Variants in GOLM2 observed in about 807,000 individuals in gnomAD.
GOLM2 encodes the protein golgi membrane protein 2.
Under a neutral mutation model 55.9 loss-of-function variants are expected in GOLM2, and 26 were observed. The observed-to-expected ratio is 0.47, with a 90% confidence interval of 0.34 to 0.65. The LOEUF is 0.65. GOLM2 is among the 30% of genes least tolerant of loss of function. The pLI is 0.01. For missense variants in GOLM2, 486 were observed against 531.8 expected (o/e 0.91, Z 0.85); for synonymous variants, 165 against 194.6 (o/e 0.85, Z 1.27).
At chr15:44,386,316 T>C (rs2079443503) in intron 8 of GOLM2, among the ~76,000 whole-genome samples, 1 of 152,246 alleles carries the variant, frequency 6.6e-6, no homozygotes, top group Non-Finnish European at 1.5e-5. Flanking sequence ...ACAATCTTGG[T>C]ATCCTTGTCA....
chr15:44,306,929 G>A lies in GOLM2; in HGVS notation c.328-16036G>A, dbSNP rs147786021. 8.4e-3 allele frequency among the ~76,000 whole-genome samples: 1,276 copies of A among 152,072 alleles called. 9 individuals carry two copies. Among genetic ancestry groups the A allele is most frequent in the Non-Finnish European group, 0.013 (913 of 68,006 alleles). On this transcript the variant is annotated intron_variant, in intron 1 of 9. Transcript: ENST00000299957. ...ACTGTCCTCTATGAGTGCAGTTTGT[G>A]GTGCCCCCAATTATAATAATATTGA... is the stretch of plus-strand genomic sequence containing the variant.
intron 6 of GOLM2, among the ~76,000 whole-genome samples, chr15:44,353,580 G>A (rs966201340): frequency 1.3e-5 from 2 of 152,150 alleles, no homozygotes; most frequent in African/African-American, 4.8e-5. Context: ...TATACACATT[G>A]GAGTACTATT....
chr15:44,384,408 C>T (rs528299471), intron 8 of GOLM2, among the ~76,000 whole-genome samples: 26 of 152,036 alleles, frequency 1.7e-4, no homozygotes, highest in Admixed American at 1.3e-3. Context: ...GTCAGGAGAT[C>T]GAGACCATCC....
At chr15:44,306,020 A>G (rs986874822) in intron 1 of GOLM2, among the ~76,000 whole-genome samples, 1 of 152,206 alleles carries the variant, frequency 6.6e-6, no homozygotes, top group African/African-American at 2.4e-5. Flanking sequence ...CTAGGATTTT[A>G]GGAATGGTAA....
At chr15:44,374,665 C>T (rs1424770333) in intron 6 of GOLM2, among the ~76,000 whole-genome samples, 1 of 152,024 alleles carries the variant, frequency 6.6e-6, no homozygotes, top group Non-Finnish European at 1.5e-5. Context: ...TTCACATGGC[C>T]GGAGAAGGAG....
chr15:44,321,861 G>T (rs1487839714), intron 1 of GOLM2, among the ~76,000 whole-genome samples: 1 of 151,850 alleles, frequency 6.6e-6, no homozygotes, highest in African/African-American at 2.4e-5. Context: ...AGACCAGCCT[G>T]GGCAACATAG....
At chr15:44,359,125 G>C (rs1432944680) in intron 6 of GOLM2, among the ~76,000 whole-genome samples, 1 of 151,808 alleles carries the variant, frequency 6.6e-6, no homozygotes, top group Non-Finnish European at 1.5e-5. Context: ...ACTCCAGCCT[G>C]GGTGACAGAG....
intron 3 of GOLM2, among the ~76,000 whole-genome samples, chr15:44,330,231 A>G (rs1398068611): frequency 6.9e-6 from 1 of 145,654 alleles, no homozygotes; most frequent in Admixed American, 6.8e-5. Flanking sequence ...AAAAAAAAAA[A>G]GCTGAGTGCA....
rs538138516 is a variant in GOLM2, at chr15:44,305,933, C to T, written c.327+16577C>T. Among the ~76,000 whole-genome samples the T allele has an allele frequency of 1.7e-4, 26 of 152,292 alleles. No individual in the cohort carries two copies. In the South Asian group the frequency reaches 5.4e-3, roughly 32 times the overall value. ...AATATTCAGTAAACCATGCTGTAAA[C>T]AGATGTGCTATCATACAGGCTTTGT... On this transcript the variant is annotated intron_variant, in intron 1 of 9. Coordinates refer to ENST00000299957, the MANE Select transcript of GOLM2 (RefSeq NM_138423.4).
chr15:44,306,618 C>T (rs2078838980), intron 1 of GOLM2, among the ~76,000 whole-genome samples: 1 of 152,178 alleles, frequency 6.6e-6, no homozygotes. Context: ...AGCTTTTGGC[C>T]TGTCTATGTT....
rs180827367 is a variant in GOLM2 at position 44,355,851 on chromosome 15, G to C, written c.802+17534G>C. 8.3e-4 allele frequency among the ~76,000 whole-genome samples: 127 copies of C among 152,168 alleles called. No homozygotes were observed. In the South Asian group the frequency reaches 0.013, roughly 15 times the overall value. On this transcript the variant is annotated intron_variant, in intron 6 of 9. Transcript: ENST00000299957. ...TCCCCTGAAGAATGGGAGGGGTCTA[G>C]AGAGCCCCCACCTTGTCATGTACCG... is the stretch of plus-strand genomic sequence containing the variant.
In GOLM2 at chr15:44,338,233, G is replaced by C. The variant is rs1459226587; in HGVS notation, c.722-4G>C. The C allele has an allele frequency of 6.2e-7, 1 of 1,611,324 alleles. No homozygotes were observed. The highest frequency in any genetic ancestry group is 8.5e-7 in the Non-Finnish European group (1 of 1,178,448). The stretch of plus-strand genomic sequence containing the variant: ...AGAATTCTATCTTTTTGTTACTTGG[G>C]CAGAACAAATCAAAAGAGGTGGTGA... On this transcript the variant is annotated splice_polypyrimidine_tract_variant and splice_region_variant and intron_variant, in intron 5 of 9. Coordinates refer to ENST00000299957, the MANE Select transcript of GOLM2 (RefSeq NM_138423.4).
chr15:44,404,655 T>G (rs2079586281), intron 9 of GOLM2, among the ~76,000 whole-genome samples: 1 of 152,184 alleles, frequency 6.6e-6, no homozygotes, highest in Admixed American at 6.6e-5. Flanking sequence ...ATGTATATCA[T>G]ATCACCAATT....
chr15:44,294,251 C>G (rs1024595361), intron 1 of GOLM2, among the ~76,000 whole-genome samples: 1 of 152,150 alleles, frequency 6.6e-6, no homozygotes, highest in African/African-American at 2.4e-5. Context: ...TCCAAGGAAC[C>G]TTGGTTCCTT....
intron 8 of GOLM2, among the ~76,000 whole-genome samples, chr15:44,382,947 C>T (rs576812453): frequency 9.3e-5 from 14 of 150,076 alleles, no homozygotes; most frequent in South Asian, 6.3e-4. Context: ...AAGAAAAGAG[C>T]CTATTGAGTT....
At chr15:44,369,487 A>G (rs191231350) in intron 6 of GOLM2, among the ~76,000 whole-genome samples, 1 of 151,896 alleles carries the variant, frequency 6.6e-6, no homozygotes, top group African/African-American at 2.4e-5. Context: ...TCGTAGGACA[A>G]TAACTTGGTC....
chr15:44,393,340 C>A (rs914090623), intron 8 of GOLM2, among the ~76,000 whole-genome samples: 1 of 152,026 alleles, frequency 6.6e-6, no homozygotes, highest in African/African-American at 2.4e-5. Flanking sequence ...ATATTGTTCA[C>A]AGAAATTAAT....
chr15:44,359,658 T>C (rs2079223151), intron 6 of GOLM2, among the ~76,000 whole-genome samples: 1 of 152,104 alleles, frequency 6.6e-6, no homozygotes, highest in Admixed American at 6.6e-5. Context: ...ACTTCCCCAA[T>C]CTGGCAAGGC....
intron 1 of GOLM2, among the ~76,000 whole-genome samples, chr15:44,314,096 G>C (rs2141122808): frequency 6.6e-6 from 1 of 152,060 alleles, no homozygotes; most frequent in African/African-American, 2.4e-5. Context: ...AATTAGCCGG[G>C]TGTTGTGGCG....
Sources: gnomAD v4.1 joint callset for allele counts (sites outside exome capture counted in the v4.1 genomes callset) on GRCh38, gnomAD v4.1.1 for gene constraint, MANE v1.5 for transcripts, NCBI Gene and HGNC (gene_info 2026-07-23, HGNC 2026-07-21) for gene names.